The following ZFTRAF1 variants were observed in gnomAD, a reference collection of about 807,000 sequenced individuals.
The protein encoded by ZFTRAF1 is zinc finger TRAF-type-containing protein 1.
At chr8:144,462,823 C>G in the ZFTRAF1 span, 2 of 152,298 alleles carry the variant, frequency 1.3e-5, no homozygotes, top group East Asian at 3.9e-4. Flanking sequence ...ACAGCCGCCG[C>G]GGCCACCGAC....
chr8:144,458,247 A>G, the ZFTRAF1 span, among the ~76,000 whole-genome samples: 1 of 152,348 alleles, frequency 6.6e-6, no homozygotes, highest in African/African-American at 2.4e-5. Context: ...ACGGTGGCCA[A>G]TCAATCCCCA....
the ZFTRAF1 span, chr8:144,457,190 A>T: frequency 1.3e-5 from 2 of 151,214 alleles, 1 homozygote; most frequent in African/African-American, 4.9e-5. Flanking sequence ...TCATGGGGGA[A>T]TGACATCACG....
the ZFTRAF1 span, chr8:144,449,820 A>G: frequency 6.2e-6 from 1 of 162,286 alleles, no homozygotes; most frequent in Non-Finnish European, 1.4e-5. Context: ...TCCTCGGGGG[A>G]CGTGTGCGGG....
chr8:144,460,120 G>C, the ZFTRAF1 span, among the ~76,000 whole-genome samples: 2 of 152,196 alleles, frequency 1.3e-5, no homozygotes, highest in East Asian at 3.9e-4. Flanking sequence ...TCACAGCCGA[G>C]AGCCACCCGC....
At chr8:144,452,649 C>T in the ZFTRAF1 span, 2 of 1,357,614 alleles carry the variant, frequency 1.5e-6, no homozygotes. Context: ...ATATGGCTTC[C>T]ATCCAGCTAA....
chr8:144,459,110 G>A, the ZFTRAF1 span, among the ~76,000 whole-genome samples: 2 of 152,250 alleles, frequency 1.3e-5, 1 homozygote, highest in South Asian at 4.1e-4. Flanking sequence ...AGGGAGAGAA[G>A]TCAGGGATGA....
the ZFTRAF1 span, among the ~76,000 whole-genome samples, chr8:144,460,493 C>A: frequency 6.6e-6 from 1 of 152,252 alleles, no homozygotes; most frequent in Non-Finnish European, 1.5e-5. Context: ...AGCTACAGCT[C>A]CAGCCCACCC....
At chr8:144,462,386 G>A in the ZFTRAF1 span, 2 of 427,098 alleles carry the variant, frequency 4.7e-6, no homozygotes, top group South Asian at 4.5e-5. Flanking sequence ...CGCCGCCGCC[G>A]CCGCCTCGGC....
At chr8:144,453,016 C>T in the ZFTRAF1 span, among the ~76,000 whole-genome samples, 5 of 152,220 alleles carry the variant, frequency 3.3e-5, no homozygotes, top group Non-Finnish European at 4.4e-5. Context: ...GGCTCATGTC[C>T]GGATAACAAC....
the ZFTRAF1 span, chr8:144,462,445 G>T: frequency 3.9e-6 from 1 of 255,824 alleles, no homozygotes; most frequent in Non-Finnish European, 7.1e-6. Context: ...CGGGGTCGCC[G>T]GCCGCCTCCT....
the ZFTRAF1 span, among the ~76,000 whole-genome samples, chr8:144,461,371 G>A: frequency 4.6e-5 from 7 of 152,306 alleles, no homozygotes; most frequent in African/African-American, 1.7e-4. Flanking sequence ...AGGGAAGGTG[G>A]GGACACTGTA....
the ZFTRAF1 span, chr8:144,452,716 G>T: frequency 1.4e-6 from 1 of 726,788 alleles, no homozygotes; most frequent in South Asian, 1.8e-5. Context: ...GATGAGGTCA[G>T]AGTGGCAGCA....
At chr8:144,452,153 G>C in the ZFTRAF1 span, 1 of 661,722 alleles carries the variant, frequency 1.5e-6, no homozygotes, top group Non-Finnish European at 2.7e-6. Flanking sequence ...GTGTGCACCT[G>C]GGGTCTGCCT....
At chr8:144,453,827 T>C in the ZFTRAF1 span, 1 of 221,492 alleles carries the variant, frequency 4.5e-6, no homozygotes, top group African/African-American at 2.2e-5. Context: ...TTGGGAGCCC[T>C]CCAGGAACAC....
chr8:144,450,106 C>T, the ZFTRAF1 span: 1 of 464,786 alleles, frequency 2.2e-6, no homozygotes, highest in South Asian at 2.4e-5. Flanking sequence ...GCCACCGTCT[C>T]TGAGCCTCGG....
At chr8:144,459,670 C>A in the ZFTRAF1 span, among the ~76,000 whole-genome samples, 1 of 152,214 alleles carries the variant, frequency 6.6e-6, no homozygotes, top group Non-Finnish European at 1.5e-5. Context: ...TACTGAGGAC[C>A]CAGCCAATTC....
At chr8:144,458,958 GA>G in the ZFTRAF1 span, among the ~76,000 whole-genome samples, 1 of 152,272 alleles carries the variant, frequency 6.6e-6, no homozygotes, top group Non-Finnish European at 1.5e-5. Flanking sequence ...AATGCCCCAT[GA>G]GGGGTGGGAA....
chr8:144,452,542 C>A, the ZFTRAF1 span: 1 of 1,538,872 alleles, frequency 6.5e-7, no homozygotes, highest in Non-Finnish European at 8.7e-7. Flanking sequence ...CATGGGCAGC[C>A]GATGCGTTTG....
chr8:144,452,683 G>A, the ZFTRAF1 span: 39 of 991,678 alleles, frequency 3.9e-5, no homozygotes, highest in African/African-American at 9.7e-5. Flanking sequence ...CAGGACACAC[G>A]TAACTGTGAG....
Sources: allele counts gnomAD v4.1 joint callset (sites outside exome capture counted in the v4.1 genomes callset), GRCh38; gene constraint gnomAD v4.1.1; transcripts MANE v1.5; gene names NCBI Gene and HGNC (gene_info 2026-07-23, HGNC 2026-07-21).